The following CLDN16 variants were observed in gnomAD, a reference collection of about 807,000 sequenced individuals.
CLDN16 encodes the protein claudin 16.
In CLDN16, 13 loss-of-function variants were observed where a neutral mutation model predicts 24.6. The ratio of observed to expected loss-of-function variants is 0.53; its 90% CI spans 0.34 to 0.84. The LOEUF (loss-of-function observed/expected upper bound fraction) is 0.84. Among genes scored for constraint, CLDN16 ranks in the 40% least tolerant of loss-of-function variants. The pLI, the probability that CLDN16 is intolerant of heterozygous loss-of-function variation, is 0.01. For synonymous variants in CLDN16, 116 were observed against 106.7 expected (o/e 1.09, Z -0.54); for missense variants, 298 against 292.7 (o/e 1.02, Z -0.13).
chr3:190,315,370 C>T, the CLDN16 span, among the ~76,000 whole-genome samples: 8 of 152,098 alleles, frequency 5.3e-5, no homozygotes, highest in East Asian at 1.9e-4. Flanking sequence ...GTCATCCTAA[C>T]GCAGGATGAT....
intron 4 of CLDN16, 139 bp from the exon 5 acceptor site, chr3:190,409,764 T>A (rs2108521187): frequency 1.3e-6 from 1 of 770,948 alleles, no homozygotes; most frequent in South Asian, 1.7e-5. Context: ...TCTTCTAGGA[T>A]TCTTCTTAGA....
intron 1 of CLDN16, among the ~76,000 whole-genome samples, chr3:190,347,948 A>G (rs1370511777): frequency 6.6e-6 from 1 of 151,998 alleles, no homozygotes; most frequent in Non-Finnish European, 1.5e-5. Context: ...GAATCGGTAG[A>G]AGATGAGACC....
At chr3:190,370,421 T>C (rs984890063) in intron 1 of CLDN16, among the ~76,000 whole-genome samples, 3 of 151,976 alleles carry the variant, frequency 2.0e-5, no homozygotes, top group African/African-American at 4.8e-5. Context: ...GTGAATGATT[T>C]GAGTGTCATA....
intron 1 of CLDN16, among the ~76,000 whole-genome samples, chr3:190,329,424 C>T (rs1717136684): frequency 6.6e-6 from 1 of 152,318 alleles, no homozygotes; most frequent in South Asian, 2.1e-4. Flanking sequence ...GGAAGAATGA[C>T]TCTTATTCCC....
At chr3:190,328,685 A>C (rs947580338) in intron 1 of CLDN16, among the ~76,000 whole-genome samples, 6 of 152,190 alleles carry the variant, frequency 3.9e-5, no homozygotes, top group East Asian at 1.9e-4. Context: ...TAAAAAAAAA[A>C]AACAAGATTT....
intron 1 of CLDN16, among the ~76,000 whole-genome samples, chr3:190,333,345 C>T (rs1717223039): frequency 6.6e-6 from 1 of 152,060 alleles, no homozygotes; most frequent in Non-Finnish European, 1.5e-5. Context: ...TATTCAGATT[C>T]TTAGAAATAT....
intron 1 of CLDN16, among the ~76,000 whole-genome samples, chr3:190,359,073 C>G (rs1717835639): frequency 6.6e-6 from 1 of 151,942 alleles, no homozygotes; most frequent in Admixed American, 6.6e-5. Context: ...ATAAACTTTT[C>G]TTATAACACA....
At chr3:190,348,562 C>A (rs1237502649) in intron 1 of CLDN16, among the ~76,000 whole-genome samples, 1 of 152,128 alleles carries the variant, frequency 6.6e-6, no homozygotes, top group Non-Finnish European at 1.5e-5. Context: ...AGAAAGAAAA[C>A]AATATGCTTT....
intron 1 of CLDN16, among the ~76,000 whole-genome samples, chr3:190,354,082 C>T (rs970370919): frequency 6.6e-6 from 1 of 151,954 alleles, no homozygotes; most frequent in Admixed American, 6.6e-5. Context: ...CAATCTCTGT[C>T]GGTTATAGTT....
chr3:190,364,717 C>A (rs922510663), intron 1 of CLDN16, among the ~76,000 whole-genome samples: 3 of 151,846 alleles, frequency 2.0e-5, no homozygotes, highest in African/African-American at 7.3e-5. Context: ...AGCCCTTTAT[C>A]GTGCTGGGTC....
At chr3:190,313,822 T>G in the CLDN16 span, among the ~76,000 whole-genome samples, 1 of 152,328 alleles carries the variant, frequency 6.6e-6, no homozygotes, top group Non-Finnish European at 1.5e-5. Context: ...TTTGGTGTAC[T>G]AACTCATGAT....
intron 2 of CLDN16, among the ~76,000 whole-genome samples, chr3:190,402,944 G>T (rs1719000506): frequency 6.6e-6 from 1 of 152,088 alleles, no homozygotes. Flanking sequence ...TAGACTATGG[G>T]GATCAGTGGA....
At chr3:190,308,393 G>C in the CLDN16 span, 3 of 1,613,680 alleles carry the variant, frequency 1.9e-6, no homozygotes, top group African/African-American at 4.0e-5. Context: ...AGAAGGCAGA[G>C]AGAAGCAGCA....
At chr3:190,307,606 A>C in the CLDN16 span, 1 of 152,234 alleles carries the variant, frequency 6.6e-6, no homozygotes, top group Admixed American at 6.6e-5. Context: ...GAAATGTGTT[A>C]GATTCAGGAG....
chr3:190,335,228 G>A (rs904748440), intron 1 of CLDN16, among the ~76,000 whole-genome samples: 1 of 151,560 alleles, frequency 6.6e-6, no homozygotes, highest in Non-Finnish European at 1.5e-5. Flanking sequence ...ATTTTTAGTA[G>A]GGACGGAGTT....
At chr3:190,325,048 G>T (rs1404014165) in intron 1 of CLDN16, among the ~76,000 whole-genome samples, 1 of 152,158 alleles carries the variant, frequency 6.6e-6, no homozygotes, top group Non-Finnish European at 1.5e-5. Context: ...AAGGGATGGG[G>T]TTAATTTCTG....
chr3:190,307,513 T>C, the CLDN16 span: 2 of 152,318 alleles, frequency 1.3e-5, no homozygotes, highest in African/African-American at 4.8e-5. Flanking sequence ...AATTTATCAC[T>C]TTGGTCATGC....
chr3:190,387,943 A>G (rs1718546445), upstream of CLDN16: 7 of 639,256 alleles, frequency 1.1e-5, no homozygotes, highest in South Asian at 1.1e-4. Context: ...TACAGGTTCC[A>G]GCATGGGGTG....
chr3:190,408,145 C>T (rs902174259), intron 3 of CLDN16, among the ~76,000 whole-genome samples, 169 bp from the exon 4 acceptor site: 1 of 152,124 alleles, frequency 6.6e-6, no homozygotes, highest in Non-Finnish European at 1.5e-5. Flanking sequence ...AGATGGAAGG[C>T]AAAAGGAAGA....
Sources: gnomAD v4.1 joint callset for allele counts (sites outside exome capture counted in the v4.1 genomes callset) on GRCh38, gnomAD v4.1.1 for gene constraint, MANE v1.5 for transcripts, NCBI Gene and HGNC (gene_info 2026-07-23, HGNC 2026-07-21) for gene names.